Variants in FSTL5 observed in about 807,000 individuals in gnomAD.
The protein encoded by FSTL5 is follistatin-related protein 5.
Under a neutral mutation model 89.1 loss-of-function variants are expected in FSTL5, and 62 were observed. The ratio of observed to expected loss-of-function variants is 0.70; its 90% CI spans 0.57 to 0.86. FSTL5 has a LOEUF of 0.86. Ranked by LOEUF, FSTL5 falls within the 40% of genes least tolerant of loss-of-function variation. The probability of loss-of-function intolerance (pLI) is 0.00; values close to 1 mark genes in which losing one functional copy is unlikely to be tolerated. For missense variants in FSTL5, 1,057 were observed against 1,001.6 expected (o/e 1.06, Z -0.75); for synonymous variants, 383 against 346.2 (o/e 1.11, Z -1.18).
intron 13 of FSTL5, among the ~76,000 whole-genome samples, chr4:161,477,877 CCTCT>C (rs751235640): frequency 1.3e-5 from 2 of 151,848 alleles, no homozygotes; most frequent in African/African-American, 4.8e-5. Context: ...ATACATTTTG[CCTCT>C]CTCTAATTTC....
At chr4:161,490,998 C>T (rs1669763562) in intron 12 of FSTL5, among the ~76,000 whole-genome samples, 1 of 151,948 alleles carries the variant, frequency 6.6e-6, no homozygotes, top group Non-Finnish European at 1.5e-5. Context: ...TACCTACCTT[C>T]ATTTTACATG....
intron 3 of FSTL5, among the ~76,000 whole-genome samples, chr4:162,006,007 T>C (rs2111118408): frequency 6.6e-6 from 1 of 152,042 alleles, no homozygotes; most frequent in East Asian, 1.9e-4. Context: ...ACCTCCCATC[T>C]CCCCTCACCC....
chr4:161,535,621 C>G (rs1001017939), intron 10 of FSTL5, among the ~76,000 whole-genome samples: 2 of 151,996 alleles, frequency 1.3e-5, no homozygotes, highest in African/African-American at 4.8e-5. Flanking sequence ...AAGCGAATGC[C>G]TATATCCTGT....
intron 4 of FSTL5, among the ~76,000 whole-genome samples, chr4:161,811,999 T>C (rs1358706162): frequency 6.6e-6 from 1 of 152,064 alleles, no homozygotes. Flanking sequence ...TACTTGACAA[T>C]AATGGCTGGG....
At chr4:161,764,101 A>T (rs966707059) in intron 5 of FSTL5, among the ~76,000 whole-genome samples, 1 of 152,206 alleles carries the variant, frequency 6.6e-6, no homozygotes, top group Non-Finnish European at 1.5e-5. Context: ...AGAGATGATC[A>T]CTGGAAACAG....
intron 10 of FSTL5, among the ~76,000 whole-genome samples, chr4:161,528,683 A>T (rs1731313046): frequency 7.0e-6 from 1 of 143,434 alleles, no homozygotes; most frequent in South Asian, 2.4e-4. Flanking sequence ...ATCTGACCGA[A>T]TTCCTGCAAC....
intron 6 of FSTL5, among the ~76,000 whole-genome samples, chr4:161,734,476 C>G (rs989163741): frequency 6.6e-6 from 1 of 152,130 alleles, no homozygotes; most frequent in Non-Finnish European, 1.5e-5. Context: ...TCTCTTATCT[C>G]TGGGCCTTAA....
intron 2 of FSTL5, among the ~76,000 whole-genome samples, chr4:162,083,859 T>A (rs1469945113): frequency 6.6e-6 from 1 of 151,882 alleles, no homozygotes; most frequent in Non-Finnish European, 1.5e-5. Flanking sequence ...AAAATTAAAT[T>A]CATTATTATG....
intron 2 of FSTL5, among the ~76,000 whole-genome samples, chr4:162,066,299 T>TTTCTTCTTCTTC (rs1222795843): frequency 1.4e-5 from 1 of 70,152 alleles, no homozygotes; most frequent in Non-Finnish European, 3.0e-5. Context: ...TCCTCCTACT[T>TTTCTTCTTCTTC]TTCTTCTTCT....
chr4:162,080,948 G>T (rs2111333018), intron 2 of FSTL5, among the ~76,000 whole-genome samples: 1 of 151,544 alleles, frequency 6.6e-6, no homozygotes, highest in Admixed American at 6.6e-5. Flanking sequence ...AAGCTGCGTT[G>T]GTTTAAAAAG....
chr4:162,149,236 C>T (rs978250398), intron 1 of FSTL5, among the ~76,000 whole-genome samples: 1 of 152,020 alleles, frequency 6.6e-6, no homozygotes, highest in Non-Finnish European at 1.5e-5. Context: ...ATGCTGGGTG[C>T]GGTGGCTCAC....
chr4:162,003,316 T>C (rs1311962445), intron 3 of FSTL5, among the ~76,000 whole-genome samples: 2 of 152,212 alleles, frequency 1.3e-5, no homozygotes, highest in Non-Finnish European at 2.9e-5. Flanking sequence ...CCAGTGGTAC[T>C]ATGAGGTTAG....
chr4:161,448,498 G>A (rs1733034632), intron 15 of FSTL5, among the ~76,000 whole-genome samples: 1 of 152,102 alleles, frequency 6.6e-6, no homozygotes, highest in African/African-American at 2.4e-5. Context: ...GGGGGAGAAT[G>A]ATATACTTTC....
At chr4:162,091,544 C>G (rs1331770204) in intron 2 of FSTL5, among the ~76,000 whole-genome samples, 1 of 152,048 alleles carries the variant, frequency 6.6e-6, no homozygotes, top group Non-Finnish European at 1.5e-5. Context: ...ACCTGGCAAA[C>G]AGTTATGCTA....
At chr4:161,431,217 G>A (rs1578968253) in intron 15 of FSTL5, among the ~76,000 whole-genome samples, 1 of 152,020 alleles carries the variant, frequency 6.6e-6, no homozygotes, top group East Asian at 1.9e-4. Flanking sequence ...ACTAAAAAAT[G>A]AACCTATCAA....
chr4:162,119,160 G>T (rs1731760832), intron 1 of FSTL5, among the ~76,000 whole-genome samples: 1 of 151,796 alleles, frequency 6.6e-6, no homozygotes, highest in African/African-American at 2.4e-5. Flanking sequence ...CCAGAAGTTT[G>T]AGGCTGCAGT....
At chr4:161,425,888 C>T (rs767770797) in intron 15 of FSTL5, among the ~76,000 whole-genome samples, 14 of 151,444 alleles carry the variant, frequency 9.2e-5, no homozygotes, top group Admixed American at 1.3e-4. Flanking sequence ...GTGAGGCAAC[C>T]GCTTCTCTCT....
chr4:162,026,849 GT>G (rs1737314813), intron 3 of FSTL5, among the ~76,000 whole-genome samples: 1 of 152,022 alleles, frequency 6.6e-6, no homozygotes, highest in Admixed American at 6.6e-5. Flanking sequence ...ATTCTGTGTT[GT>G]TTCCCCCAAC....
At chr4:161,737,742 A>T (rs890065789) in intron 6 of FSTL5, among the ~76,000 whole-genome samples, 1 of 151,902 alleles carries the variant, frequency 6.6e-6, no homozygotes, top group Non-Finnish European at 1.5e-5. Flanking sequence ...TTAGTTCCTT[A>T]TGTTGTATAA....
Sources: gnomAD v4.1 joint callset for allele counts (sites outside exome capture counted in the v4.1 genomes callset) on GRCh38, gnomAD v4.1.1 for gene constraint, MANE v1.5 for transcripts, NCBI Gene and HGNC (gene_info 2026-07-23, HGNC 2026-07-21) for gene names.